CENPW: variants seen among roughly 807,000 people sequenced by gnomAD.
CENPW encodes the protein cancer-up-regulated gene 2 protein.
Under a neutral mutation model 11.1 loss-of-function variants are expected in CENPW, and 3 were observed. That is an observed-to-expected ratio of 0.27 (90% confidence interval 0.12 to 0.70). The LOEUF (loss-of-function observed/expected upper bound fraction) is 0.70. Among genes scored for constraint, CENPW ranks in the 30% least tolerant of loss-of-function variants. CENPW has a pLI of 0.77. For synonymous variants in CENPW, 38 were observed against 42.0 expected (o/e 0.91, Z 0.37); for missense variants, 100 against 105.6 (o/e 0.95, Z 0.23).
At chr6:126,381,205 G>A in the CENPW span, among the ~76,000 whole-genome samples, 1 of 152,148 alleles carries the variant, frequency 6.6e-6, no homozygotes, top group Non-Finnish European at 1.5e-5. Flanking sequence ...ATTGTTGAAT[G>A]TTTTTGTTTT....
At chr6:126,397,244 A>G in the CENPW span, among the ~76,000 whole-genome samples, 1 of 152,080 alleles carries the variant, frequency 6.6e-6, no homozygotes, top group African/African-American at 2.4e-5. Context: ...AGGATGGACA[A>G]TTCTCCTCTC....
chr6:126,393,686 T>C, the CENPW span, among the ~76,000 whole-genome samples: 5 of 150,746 alleles, frequency 3.3e-5, no homozygotes, highest in Non-Finnish European at 7.4e-5. Context: ...TGACTTGTTT[T>C]GTGACCTAAT....
At chr6:126,410,701 T>TC in the CENPW span, among the ~76,000 whole-genome samples, 9 of 151,890 alleles carry the variant, frequency 5.9e-5, no homozygotes, top group Admixed American at 5.9e-4. Flanking sequence ...TTCATTTTTT[T>TC]CCCTGTGAGT....
the CENPW span, among the ~76,000 whole-genome samples, chr6:126,418,850 A>G: frequency 6.9e-6 from 1 of 145,570 alleles, no homozygotes; most frequent in African/African-American, 2.6e-5. Flanking sequence ...CGAACACCGC[A>G]TGTTCTCACT....
chr6:126,370,889 A>G, the CENPW span, among the ~76,000 whole-genome samples: 6 of 151,712 alleles, frequency 4.0e-5, no homozygotes, highest in African/African-American at 1.5e-4. Flanking sequence ...AGTAACTGGG[A>G]TTACAGGTGC....
the CENPW span, among the ~76,000 whole-genome samples, chr6:126,445,188 T>C: frequency 6.6e-6 from 1 of 151,160 alleles, no homozygotes; most frequent in African/African-American, 2.4e-5. Flanking sequence ...AAATTTGCTT[T>C]CTAACAGGCT....
the CENPW span, among the ~76,000 whole-genome samples, chr6:126,443,210 T>C: frequency 5.0e-4 from 75 of 151,394 alleles, no homozygotes; most frequent in African/African-American, 1.7e-3. Context: ...AGTATACATA[T>C]TACAATTTTT....
At chr6:126,481,734 G>A in the CENPW span, among the ~76,000 whole-genome samples, 1 of 152,022 alleles carries the variant, frequency 6.6e-6, no homozygotes, top group Non-Finnish European at 1.5e-5. Flanking sequence ...ATACATGTTT[G>A]CTATAAAAAC....
At chr6:126,482,507 G>T in the CENPW span, among the ~76,000 whole-genome samples, 2 of 151,732 alleles carry the variant, frequency 1.3e-5, 1 homozygote, top group East Asian at 3.9e-4. Context: ...AGGTTTTGAT[G>T]GTCCTTAAAT....
At chr6:126,479,163 C>A in the CENPW span, among the ~76,000 whole-genome samples, 2 of 151,956 alleles carry the variant, frequency 1.3e-5, no homozygotes, top group Non-Finnish European at 2.9e-5. Context: ...TCTTTCATTG[C>A]TTTCCTTTAA....
intron 1 of CENPW, among the ~76,000 whole-genome samples, chr6:126,340,907 G>C (rs1283448652): frequency 6.6e-6 from 1 of 151,862 alleles, no homozygotes; most frequent in African/African-American, 2.4e-5. Context: ...CTCTATTTAC[G>C]CATTTAACCA....
chr6:126,372,185 T>G, the CENPW span, among the ~76,000 whole-genome samples: 1 of 151,990 alleles, frequency 6.6e-6, no homozygotes, highest in South Asian at 2.1e-4. Context: ...TAAATGGACA[T>G]TTTTCACTAT....
At chr6:126,363,224 T>C in the CENPW span, among the ~76,000 whole-genome samples, 206 of 152,282 alleles carry the variant, frequency 1.4e-3, no homozygotes, top group African/African-American at 4.6e-3. Flanking sequence ...CACTTGGCCA[T>C]CTAGAATTGG....
Position 126,340,399 on chromosome 6 carries a change from G to A in CENPW, c.126G>A (p.Leu42=). 1 of 1,614,164 alleles carries A rather than the reference G, an allele frequency of 6.2e-7. No homozygotes were observed. The highest frequency in any genetic ancestry group is 8.5e-7 in the Non-Finnish European group (1 of 1,180,038). Residue 42 remains leucine (L), a splice_region_variant and synonymous_variant, in exon 1 of 3, where the codon TTG becomes TTA. Transcript: ENST00000368328. ...QLRLEKSGDL[L]VHLNCLLFVH... is the part of the protein sequence containing the mutation. ...GTCTGGAGAAAAGTGGTGACTTATT[G>A]GTGAGATTCCATCCCTTCTCGGGCT... is the stretch of plus-strand genomic sequence containing the variant.
chr6:126,373,402 T>G, the CENPW span, among the ~76,000 whole-genome samples: 1 of 152,212 alleles, frequency 6.6e-6, no homozygotes, highest in African/African-American at 2.4e-5. Context: ...AAGCCCTTCT[T>G]CGAGCCATAA....
the CENPW span, among the ~76,000 whole-genome samples, chr6:126,414,158 T>C: frequency 6.6e-6 from 1 of 151,934 alleles, no homozygotes; most frequent in African/African-American, 2.4e-5. Flanking sequence ...CCAGAACACA[T>C]GGATATATAA....
At chr6:126,472,941 G>A in the CENPW span, among the ~76,000 whole-genome samples, 1 of 152,136 alleles carries the variant, frequency 6.6e-6, no homozygotes, top group East Asian at 1.9e-4. Context: ...AATAGAATAT[G>A]CTAATGGCAA....
the CENPW span, among the ~76,000 whole-genome samples, chr6:126,355,163 G>C: frequency 6.6e-6 from 1 of 152,016 alleles, no homozygotes; most frequent in Non-Finnish European, 1.5e-5. Flanking sequence ...TTTAGAAATT[G>C]TACCTACTAC....
At position 126,340,272 on chromosome 6, in the gene CENPW, G is replaced by T; in HGVS notation, c.-2G>T. The T allele has an allele frequency of 6.2e-7, 1 of 1,613,368 alleles. No individual in the cohort carries two copies. The highest frequency in any genetic ancestry group is 8.5e-7 in the Non-Finnish European group (1 of 1,179,976). On this transcript the variant is annotated 5_prime_UTR_variant, in exon 1 of 3. The change creates a new upstream start codon in the 5' untranslated region. Transcript: ENST00000368328. ...TGAGGCAGCTGGTACTTGACAGAGA[G>T]GATGGCGCTGTCGACCATAGTCTCC...
Sources: gnomAD v4.1 joint callset for allele counts (sites outside exome capture counted in the v4.1 genomes callset) on GRCh38, gnomAD v4.1.1 for gene constraint, MANE v1.5 for transcripts, NCBI Gene and HGNC (gene_info 2026-07-23, HGNC 2026-07-21) for gene names.